Variants in MAP6 observed in about 807,000 individuals in gnomAD.
MAP6 encodes microtubule-associated protein 6.
A neutral mutation model predicts 42.4 loss-of-function variants in MAP6; 26 were observed. That is an observed-to-expected ratio of 0.61 (90% CI 0.45 to 0.85). The LOEUF is 0.85. Ranked by LOEUF, MAP6 falls within the 40% of genes least tolerant of loss-of-function variation. The pLI is 0.00. For synonymous variants in MAP6, 418 were observed against 443.8 expected, an observed-to-expected ratio of 0.94 and a Z score of 0.73; for missense variants, 966 against 1,099.0, an observed-to-expected ratio of 0.88 and a Z score of 1.71.
intron 1 of MAP6, among the ~76,000 whole-genome samples, chr11:75,654,534 C>T (rs1466213238): frequency 1.3e-5 from 2 of 152,128 alleles, no homozygotes; most frequent in Non-Finnish European, 2.9e-5. Context: ...ATATGCCTTC[C>T]TCCCACTAGA....
intron 1 of MAP6, among the ~76,000 whole-genome samples, chr11:75,661,727 T>C (rs976746779): frequency 7.2e-5 from 11 of 152,118 alleles, no homozygotes; most frequent in African/African-American, 2.7e-4. Context: ...ACCTCATACT[T>C]AATGATAAAA....
chr11:75,657,908 C>T (rs1449664160), intron 1 of MAP6, among the ~76,000 whole-genome samples: 1 of 152,168 alleles, frequency 6.6e-6, no homozygotes, highest in African/African-American at 2.4e-5. Flanking sequence ...CATTCCAAGG[C>T]CCATAACTTA....
intron 1 of MAP6, among the ~76,000 whole-genome samples, chr11:75,647,347 CAAA>C: frequency 0.026 from 1,160 of 44,198 alleles, 21 homozygotes; most frequent in African/African-American, 0.097. Flanking sequence ...CCCACCTGAT[CAAA>C]AAAAAAAAAA....
At chr11:75,612,272 T>C (rs560911410) in intron 1 of MAP6, among the ~76,000 whole-genome samples, 26 of 152,322 alleles carry the variant, frequency 1.7e-4, no homozygotes, top group Admixed American at 7.8e-4. Flanking sequence ...ATCCATTCAT[T>C]TGGCATCTGC....
chr11:75,609,558 T>C (rs1590765766), intron 1 of MAP6, among the ~76,000 whole-genome samples: 1 of 152,208 alleles, frequency 6.6e-6, no homozygotes, highest in Non-Finnish European at 1.5e-5. Context: ...CTTTCCCTGC[T>C]CTGAGCATTC....
Position 75,667,495 on chromosome 11 carries a change from T to C in MAP6, c.875A>G (p.Glu292Gly). The C allele has an allele frequency of 6.6e-7, 1 of 1,509,724 alleles. No homozygotes were observed. The highest frequency in any genetic ancestry group is 1.2e-5 in the South Asian group (1 of 81,908). The allele number at this position is 1,509,724 out of a possible 1,614,324, so 93.5% of individuals were successfully genotyped here. ...GGAGCTGCTCACTGCACTCGCCACC[T>C]CCTCGCGGATTTGCCGGTTGAGGGC... ...ADALNRQIRE[E>G]VASAVSSSYR... Residue 292 changes from glutamate (E) to glycine (G), a missense_variant, in exon 1 of 4, where the codon GAG (glutamate) becomes GGG (glycine). Glu to Gly is a moderately conservative substitution (Grantham distance 98). Coordinates refer to ENST00000304771, the MANE Select transcript of MAP6 (RefSeq NM_033063.2). The surrounding 1 kb of genome is among the most constrained non-coding windows in gnomAD (Gnocchi z 5.6).
At chr11:75,589,080 G>A (rs527768737) in intron 3 of MAP6, among the ~76,000 whole-genome samples, 1 of 152,260 alleles carries the variant, frequency 6.6e-6, no homozygotes, top group South Asian at 2.1e-4. Flanking sequence ...TTTCAGGTAG[G>A]GATGAGGCCC....
At chr11:75,647,545 C>T (rs943197979) in intron 1 of MAP6, among the ~76,000 whole-genome samples, 9 of 151,654 alleles carry the variant, frequency 5.9e-5, no homozygotes, top group Non-Finnish European at 1.0e-4. Flanking sequence ...TCCTACATAC[C>T]GCAACAACCA....
At chr11:75,623,267 C>A (rs1467830104) in intron 1 of MAP6, among the ~76,000 whole-genome samples, 1 of 152,176 alleles carries the variant, frequency 6.6e-6, no homozygotes, top group Non-Finnish European at 1.5e-5. Flanking sequence ...TATGAAAATT[C>A]TAGAAAAGGC....
At chr11:75,595,617 C>T (rs1942564892) in intron 3 of MAP6, among the ~76,000 whole-genome samples, 1 of 152,202 alleles carries the variant, frequency 6.6e-6, no homozygotes, top group Non-Finnish European at 1.5e-5. Flanking sequence ...CCAAACACCA[C>T]CCCTCGCCAT....
chr11:75,660,734 CT>C (rs1450805737), intron 1 of MAP6, among the ~76,000 whole-genome samples: 1 of 152,132 alleles, frequency 6.6e-6, no homozygotes, highest in Non-Finnish European at 1.5e-5. Context: ...TATGTTGTCC[CT>C]CTGCTTAGAT....
intron 1 of MAP6, among the ~76,000 whole-genome samples, chr11:75,657,721 G>A (rs955888421): frequency 2.6e-5 from 4 of 152,176 alleles, no homozygotes; most frequent in African/African-American, 7.2e-5. Context: ...GCCTTTGCCA[G>A]CTTCTAGAGG....
intron 1 of MAP6, among the ~76,000 whole-genome samples, chr11:75,622,168 G>T (rs1315310019): frequency 1.3e-5 from 2 of 152,028 alleles, no homozygotes; most frequent in Non-Finnish European, 2.9e-5. Context: ...CAGACAATGG[G>T]AATATAAAAT....
chr11:75,599,030 A>G (rs1192917713), intron 3 of MAP6: 1 of 152,254 alleles, frequency 6.6e-6, no homozygotes, highest in Non-Finnish European at 1.5e-5. Context: ...GAGAAGCAGC[A>G]TGGTGCACCG....
At chr11:75,603,967 G>C in intron 3 of MAP6, 1 of 985,786 alleles carries the variant, frequency 1.0e-6, no homozygotes, top group Non-Finnish European at 1.2e-6. Flanking sequence ...TGTTGCTAGA[G>C]CTTTCTGCTA....
chr11:75,626,191 G>A lies in MAP6; in HGVS notation c.906-17869C>T, dbSNP rs150808955. 2.0e-3 allele frequency among the ~76,000 whole-genome samples: 309 copies of A among 152,314 alleles called. 2 individuals are homozygous for A. The highest frequency in any genetic ancestry group is 3.8e-3 in the Non-Finnish European group (256 of 68,026). Reference sequence around the variant, plus strand: ...ACTGGATGCCCTAGAGGACAGGAGCGTATCTGAGCCTAGCCCAGCACAGAG... The same window carrying A: ...ACTGGATGCCCTAGAGGACAGGAGCATATCTGAGCCTAGCCCAGCACAGAG... On this transcript the variant is annotated intron_variant, in intron 1 of 3. Transcript: ENST00000304771.
Position 75,645,984 on chromosome 11 carries a change from A to C in MAP6, c.905+21481T>G, listed in dbSNP as rs865822579. Among the ~76,000 whole-genome samples, 15 of 151,832 alleles carry C rather than the reference A, an allele frequency of 9.9e-5. No individual in the cohort carries two copies. The Middle Eastern group carries it at 0.01, about 103-fold the overall frequency. ...AGAGAAATAAAGAGAGGCATTATTC[A>C]GGGATACTAGATGAGAAATTCATGG... On this transcript the variant is annotated intron_variant, in intron 1 of 3. Transcript: ENST00000304771.
intron 3 of MAP6, chr11:75,599,153 G>A (rs891210159): frequency 1.3e-5 from 2 of 152,188 alleles, no homozygotes; most frequent in African/African-American, 4.8e-5. Context: ...GTAGCAAGCA[G>A]TGGCAGTAAC....
intron 1 of MAP6, among the ~76,000 whole-genome samples, chr11:75,657,883 C>T (rs1943777798): frequency 6.6e-6 from 1 of 152,210 alleles, no homozygotes; most frequent in Non-Finnish European, 1.5e-5. Flanking sequence ...CCAAGTGAAT[C>T]CAGGCTATAC....
Sources: allele counts gnomAD v4.1 joint callset (sites outside exome capture counted in the v4.1 genomes callset), GRCh38; gene constraint gnomAD v4.1.1; non-coding constraint Gnocchi (gnomAD v3.1); transcripts MANE v1.5; gene names NCBI Gene and HGNC (gene_info 2026-07-23, HGNC 2026-07-21).